NXPH1: variants seen among roughly 807,000 people sequenced by gnomAD.
NXPH1 encodes the protein neurexophilin 1, also known as neurexophilin-1.
Under a neutral mutation model 23.7 loss-of-function variants are expected in NXPH1, and 5 were observed. The ratio of observed to expected loss-of-function variants is 0.21; its 90% confidence interval spans 0.11 to 0.44. The LOEUF is 0.44. NXPH1 is among the 20% of genes least tolerant of loss of function. The probability of loss-of-function intolerance (pLI) is 0.99; values close to 1 mark genes in which losing one functional copy is unlikely to be tolerated. For missense variants in NXPH1, 324 were observed against 321.6 expected, an observed-to-expected ratio of 1.01 and a Z score of -0.06; for synonymous variants, 144 against 122.2, an observed-to-expected ratio of 1.18 and a Z score of -1.18.
At chr7:8,517,366 T>C (rs1267978691) in intron 2 of NXPH1, among the ~76,000 whole-genome samples, 5 of 152,068 alleles carry the variant, frequency 3.3e-5, no homozygotes, top group African/African-American at 1.2e-4. Context: ...GGAGGACATA[T>C]GTGGAGGACT....
At chr7:8,494,664 G>A (rs1447794929) in intron 2 of NXPH1, among the ~76,000 whole-genome samples, 3 of 152,110 alleles carry the variant, frequency 2.0e-5, no homozygotes, top group East Asian at 1.9e-4. Flanking sequence ...TCTGAATGGT[G>A]TATCTTTGTG....
chr7:8,453,523 A>AG (rs1816541748), intron 2 of NXPH1, among the ~76,000 whole-genome samples: 1 of 152,180 alleles, frequency 6.6e-6, no homozygotes, highest in African/African-American at 2.4e-5. Flanking sequence ...ATGAGTTGTA[A>AG]AGAACCATTT....
intron 2 of NXPH1, among the ~76,000 whole-genome samples, chr7:8,534,110 G>A (rs1319510350): frequency 1.3e-5 from 2 of 152,044 alleles, no homozygotes; most frequent in Admixed American, 1.3e-4. Context: ...ATCAATATGG[G>A]TGTTATTCTA....
At chr7:8,533,708 A>T (rs147933071) in intron 2 of NXPH1, among the ~76,000 whole-genome samples, 1 of 152,150 alleles carries the variant, frequency 6.6e-6, no homozygotes, top group African/African-American at 2.4e-5. Flanking sequence ...CTGTAAATAA[A>T]AAGCAAATTA....
intron 2 of NXPH1, among the ~76,000 whole-genome samples, chr7:8,681,914 C>T (rs1321940697): frequency 1.3e-5 from 2 of 152,164 alleles, no homozygotes; most frequent in African/African-American, 2.4e-5. Flanking sequence ...TGAAACTGAG[C>T]TTTGCCCCTT....
At chr7:8,534,435 C>T (rs1040007572) in intron 2 of NXPH1, among the ~76,000 whole-genome samples, 1 of 152,094 alleles carries the variant, frequency 6.6e-6, no homozygotes, top group African/African-American at 2.4e-5. Flanking sequence ...AAAACATCTT[C>T]CACACCAATA....
intron 2 of NXPH1, among the ~76,000 whole-genome samples, chr7:8,619,366 A>T (rs1470839758): frequency 3.9e-5 from 6 of 152,130 alleles, no homozygotes; most frequent in Non-Finnish European, 7.4e-5. Context: ...TGCATCTGGG[A>T]TGAAGCTTAT....
intron 2 of NXPH1, among the ~76,000 whole-genome samples, chr7:8,483,074 C>T (rs117573015): frequency 0.027 from 4,097 of 152,238 alleles, 86 homozygotes; most frequent in South Asian, 0.041. Context: ...AATATTAATA[C>T]ATTGCAAATT....
At chr7:8,711,464 T>C (rs1779794233) in intron 2 of NXPH1, among the ~76,000 whole-genome samples, 1 of 152,218 alleles carries the variant, frequency 6.6e-6, no homozygotes, top group Non-Finnish European at 1.5e-5. Context: ...TGGAAGCTCA[T>C]AATCTGGTTT....
At chr7:8,615,157 A>G (rs554733500) in intron 2 of NXPH1, among the ~76,000 whole-genome samples, 2 of 152,170 alleles carry the variant, frequency 1.3e-5, no homozygotes, top group African/African-American at 2.4e-5. Context: ...TGTGCCCAGG[A>G]ATTCATCTGC....
chr7:8,585,147 T>A (rs1256420456), intron 2 of NXPH1, among the ~76,000 whole-genome samples: 1 of 152,226 alleles, frequency 6.6e-6, no homozygotes, highest in East Asian at 1.9e-4. Context: ...CTAAAATTAT[T>A]CTATGTCTGC....
chr7:8,724,088 C>T (rs1024197987), intron 2 of NXPH1, among the ~76,000 whole-genome samples: 2 of 152,188 alleles, frequency 1.3e-5, no homozygotes, highest in Non-Finnish European at 2.9e-5. Context: ...TAGTGGATGA[C>T]GGCTTTTAGT....
At chr7:8,496,649 C>G (rs1204222337) in intron 2 of NXPH1, among the ~76,000 whole-genome samples, 1 of 152,044 alleles carries the variant, frequency 6.6e-6, no homozygotes, top group African/African-American at 2.4e-5. Flanking sequence ...AATGCAACTT[C>G]TTGGGCCCCA....
At chr7:8,466,598 T>A (rs1269168614) in intron 2 of NXPH1, among the ~76,000 whole-genome samples, 1 of 152,212 alleles carries the variant, frequency 6.6e-6, no homozygotes, top group African/African-American at 2.4e-5. Flanking sequence ...CATTGTAAAT[T>A]AACGTATTCT....
intron 2 of NXPH1, among the ~76,000 whole-genome samples, chr7:8,464,375 A>T (rs1390991253): frequency 2.6e-5 from 4 of 152,210 alleles, no homozygotes; most frequent in African/African-American, 4.8e-5. Flanking sequence ...AAATTATTTG[A>T]TAGCCATCTG....
At chr7:8,662,877 T>A (rs1466221145) in intron 2 of NXPH1, among the ~76,000 whole-genome samples, 1 of 152,092 alleles carries the variant, frequency 6.6e-6, no homozygotes, top group African/African-American at 2.4e-5. Flanking sequence ...GCTTGGAAGA[T>A]GCAACAATAA....
At chr7:8,589,622 A>G (rs1418894037) in intron 2 of NXPH1, among the ~76,000 whole-genome samples, 3 of 152,134 alleles carry the variant, frequency 2.0e-5, no homozygotes, top group Admixed American at 2.0e-4. Context: ...CAGACAGAGC[A>G]GGTGAGTGAG....
intron 2 of NXPH1, among the ~76,000 whole-genome samples, chr7:8,525,548 C>A (rs1473949099): frequency 6.6e-6 from 1 of 152,140 alleles, no homozygotes; most frequent in Non-Finnish European, 1.5e-5. Flanking sequence ...TCACCGCGGT[C>A]CCCTCCCATC....
At chr7:8,749,697 T>A (rs986646674) in intron 2 of NXPH1, among the ~76,000 whole-genome samples, 2 of 152,200 alleles carry the variant, frequency 1.3e-5, no homozygotes, top group Non-Finnish European at 2.9e-5. Context: ...TCCAGGGGCA[T>A]GGCAATATAA....
Sources: allele counts gnomAD v4.1 joint callset (sites outside exome capture counted in the v4.1 genomes callset), GRCh38; gene constraint gnomAD v4.1.1; transcripts MANE v1.5; gene names NCBI Gene and HGNC (gene_info 2026-07-23, HGNC 2026-07-21).